MDN1: variants seen among roughly 807,000 people sequenced by gnomAD.
The protein encoded by MDN1 is midasin.
Under a neutral mutation model 669.2 loss-of-function variants are expected in MDN1, and 266 were observed. That is an observed-to-expected ratio of 0.40 (90% CI 0.36 to 0.44). The LOEUF (loss-of-function observed/expected upper bound fraction) is 0.44, where lower values mean the gene tolerates loss of function less well. Ranked by LOEUF, MDN1 falls within the 20% of genes least tolerant of loss-of-function variation. MDN1 has a pLI of 1.00. For synonymous variants in MDN1, 2,385 were observed against 2,457.1 expected (o/e 0.97, Z 0.87); for missense variants, 5,940 against 6,754.0 (o/e 0.88, Z 4.22).
At position 89,738,387 on chromosome 6, in the gene MDN1, T is replaced by A; in HGVS notation, c.4662A>T (p.Leu1554Phe). Reference sequence around the variant, plus strand: ...GAAGATTATGACTGATGATCTGAATTAAATCTTCACGGCTTGTGCTTTGAG... The same window carrying A: ...GAAGATTATGACTGATGATCTGAATAAAATCTTCACGGCTTGTGCTTTGAG... ...WCPQSTSRED[L>F]IQIISHNLRP... The change falls in exon 33 of 102, where the codon TTA becomes TTT. Residue 1554 changes from leucine (L) to phenylalanine (F), a missense_variant. Coordinates refer to ENST00000369393, the MANE Select transcript of MDN1 (RefSeq NM_014611.3). 6.2e-7 allele frequency: 1 copy of A among 1,613,938 alleles called. No homozygotes were observed.
chr6:89,738,545 G>A lies in MDN1; in HGVS notation c.4594-90C>T, dbSNP rs189940376. 6.2e-5 allele frequency: 87 copies of A among 1,402,270 alleles called. No individual in the cohort carries two copies. In the African/African-American group the frequency reaches 1.1e-3, roughly 17 times the overall value. 86.9% of individuals were successfully genotyped at this position (1,402,270 alleles called of 1,614,324 possible). Reference sequence around the variant, plus strand: ...TTGAAAGAATGTTGTTAGCTGTTAAGTCCAGCAAATACTACACACTTTTAA... The same window carrying A: ...TTGAAAGAATGTTGTTAGCTGTTAAATCCAGCAAATACTACACACTTTTAA... On this transcript the variant is annotated intron_variant, in intron 32 of 101. Transcript: ENST00000369393.
Position 89,688,605 on chromosome 6 carries a change from G to A in MDN1, c.11227C>T (p.Gln3743Ter). 1 of 1,614,166 alleles carries A rather than the reference G, an allele frequency of 6.2e-7. No individual in the cohort carries two copies. The highest frequency in any genetic ancestry group is 8.5e-7 in the Non-Finnish European group (1 of 1,180,006). The part of the protein sequence containing the change: ...GFSEAVSHLL[Q>*]DWPEHPALEQ... ...AGCGCTGGGTGTTCTGGCCAGTCCTGTAGCAAGTGACTGACAGCCTCTGAG... is the reference window on the plus strand; with the variant it reads ...AGCGCTGGGTGTTCTGGCCAGTCCTATAGCAAGTGACTGACAGCCTCTGAG... The change falls in exon 66 of 102, where the codon CAG becomes TAG. Residue 3743 changes from glutamine (Q) to a stop codon, truncating the protein, a stop_gained. Coordinates refer to ENST00000369393, the MANE Select transcript of MDN1 (RefSeq NM_014611.3). LOFTEE classifies it high-confidence loss of function.
chr6:89,711,116 T>C (rs747504268), intron 49 of MDN1, among the ~76,000 whole-genome samples: 21 of 152,320 alleles, frequency 1.4e-4, no homozygotes, highest in South Asian at 4.1e-4. Context: ...CATGGGCTTA[T>C]TGACAAATTC....
intron 37 of MDN1, among the ~76,000 whole-genome samples, chr6:89,727,281 A>G (rs945200092): frequency 7.2e-5 from 11 of 152,152 alleles, no homozygotes; most frequent in African/African-American, 2.2e-4. Context: ...TTTCAGCTCC[A>G]CAAATATTTC....
chr6:89,655,444 A>G (rs1373282846), intron 92 of MDN1, among the ~76,000 whole-genome samples: 1 of 152,192 alleles, frequency 6.6e-6, no homozygotes. Context: ...TAACTATTAT[A>G]TTTAAGGATA....
intron 55 of MDN1, 119 bp from the exon 56 acceptor site, chr6:89,700,975 G>C: frequency 1.1e-6 from 1 of 897,380 alleles, no homozygotes; most frequent in African/African-American, 1.7e-5. Context: ...GAAAACAAAG[G>C]ACTTGTTTAT....
At position 89,713,298 on chromosome 6, in the gene MDN1, T is replaced by A; in HGVS notation, c.7070-2A>T. 6.2e-7 allele frequency: 1 copy of A among 1,601,238 alleles called. No individual in the cohort carries two copies. The stretch of plus-strand genomic sequence containing the variant: ...TTGATACAGAAGATGTTGGAGAACC[T>A]ATTAAAAAAAAATTGCCATCTATAA... On this transcript the variant is annotated splice_acceptor_variant, in intron 46 of 101. Transcript: ENST00000369393. LOFTEE classifies it high-confidence loss of function.
Position 89,754,083 on chromosome 6 carries a change from C to G in MDN1, c.2964G>C (p.Glu988Asp), listed in dbSNP as rs755580648. Residue 988 changes from glutamate (E) to aspartate (D), a missense_variant and splice_region_variant, in exon 21 of 102, where the codon GAG (glutamate) becomes GAC (aspartate). Physicochemically the swap from Glu to Asp is conservative, Grantham distance 45. Coordinates refer to ENST00000369393, the MANE Select transcript of MDN1 (RefSeq NM_014611.3). ...CCAGTCAAAGAGACTTCAGAAAGAC[C>G]TCATAGAGTGAGCGCTGAATGTTGC... ...PCGNIQRSLY[E>D]GFCLGFLTQL... 5.6e-6 allele frequency: 9 copies of G among 1,613,530 alleles called. No homozygotes were observed. Among genetic ancestry groups the G allele is most frequent in the Non-Finnish European group, 7.6e-6 (9 of 1,179,778 alleles).
rs753166804 is a variant in MDN1, at chr6:89,776,620, A to G, written c.1801T>C (p.Leu601=). Residue 601 remains leucine (L), a synonymous_variant, in exon 12 of 102, where the codon TTG becomes CTG. Coordinates refer to ENST00000369393, the MANE Select transcript of MDN1 (RefSeq NM_014611.3). ...LKMAEVIGSK[L]NISRKKAEFF... ...CATACCTTTTTTCTAGAAATGTTCA[A>G]TTTGCTTCCAATAACTTCTGCCATT... 29 of 1,611,642 alleles carry G rather than the reference A, an allele frequency of 1.8e-5. No homozygotes were observed. Among genetic ancestry groups the G allele is most frequent in the Non-Finnish European group, 2.5e-5 (29 of 1,177,938 alleles).
intron 32 of MDN1, among the ~76,000 whole-genome samples, chr6:89,739,760 C>T (rs753187621): frequency 5.3e-5 from 8 of 152,292 alleles, no homozygotes; most frequent in South Asian, 2.1e-4. Flanking sequence ...ATAACCCTTA[C>T]GAGAACAAAT....
intron 22 of MDN1, among the ~76,000 whole-genome samples, chr6:89,752,427 C>G (rs200572970): frequency 1.3e-5 from 2 of 152,146 alleles, no homozygotes; most frequent in African/African-American, 4.8e-5. Flanking sequence ...GTTACTTGTA[C>G]GATTTTTTAA....
rs1376880135 is a variant in MDN1, at chr6:89,650,866, G to A, written c.15916-19C>T. The stretch of plus-strand genomic sequence containing the variant: ...CCTTCTCCTGTGACAACAACAAAAT[G>A]TAAGTTACCCTCAGAATGTCAGAGC... On this transcript the variant is annotated intron_variant, in intron 95 of 101. Coordinates refer to ENST00000369393, the MANE Select transcript of MDN1 (RefSeq NM_014611.3). 5.6e-6 allele frequency: 9 copies of A among 1,600,538 alleles called. No individual in the cohort carries two copies. The highest frequency in any genetic ancestry group is 2.6e-6 in the Non-Finnish European group (3 of 1,167,992).
intron 53 of MDN1, among the ~76,000 whole-genome samples, chr6:89,703,166 A>C (rs1310088387): frequency 6.6e-6 from 1 of 151,912 alleles, no homozygotes; most frequent in African/African-American, 2.4e-5. Flanking sequence ...CGAACTCCTA[A>C]CCTCAGGTGA....
chr6:89,721,258 G>A lies in MDN1; in HGVS notation c.5967+1697C>T, dbSNP rs1467577112. ...GACAGTTCTGTCCCAAAGGAGGGATGAGAATAGCTACTGAATTGTTTCTTC... is the reference window on the plus strand; with the variant it reads ...GACAGTTCTGTCCCAAAGGAGGGATAAGAATAGCTACTGAATTGTTTCTTC... On this transcript the variant is annotated intron_variant, in intron 40 of 101. Transcript: ENST00000369393. Among the ~76,000 whole-genome samples, 7 of 152,334 alleles carry A rather than the reference G, an allele frequency of 4.6e-5. No individual in the cohort carries two copies. The South Asian group carries it at 1.2e-3, about 27-fold the overall frequency.
chr6:89,715,728 C>T lies in MDN1; in HGVS notation c.6785G>A (p.Gly2262Glu), dbSNP rs755548910. 3 of 1,613,912 alleles carry T rather than the reference C, an allele frequency of 1.9e-6. No homozygotes were observed. The highest frequency in any genetic ancestry group is 1.1e-5 in the South Asian group (1 of 91,078). The change falls in exon 45 of 102, where the codon GGA becomes GAA. Residue 2262 changes from glycine (G) to glutamate (E), a missense_variant. Physicochemically the swap from Gly to Glu is moderately conservative, Grantham distance 98 (BLOSUM62 -2). This residue lies in a region of MDN1 where 2,292 missense variants were observed against 2,638.3 expected (regional missense o/e 0.87). Transcript: ENST00000369393. The stretch of plus-strand genomic sequence containing the variant: ...TCTCTCACTAATAGTGAGGACACCT[C>T]CGGGTTCAAGCAAAGCATTCAAACG... The part of the protein sequence containing the change: ...LDRLNALLEP[G>E]GVLTISERGM...
intron 61 of MDN1, 97 bp from the exon 62 acceptor site, chr6:89,694,280 G>T: frequency 9.8e-7 from 1 of 1,023,738 alleles, no homozygotes; most frequent in Non-Finnish European, 1.5e-6. Flanking sequence ...AAGATGGAAG[G>T]AATCTGGGTT....
rs147141733 is a variant in MDN1, at chr6:89,761,757, G to A, written c.2357-9C>T. 6 of 1,558,612 alleles carry A rather than the reference G, an allele frequency of 3.8e-6. No homozygotes were observed. The highest frequency in any genetic ancestry group is 5.3e-6 in the Non-Finnish European group (6 of 1,135,774). On this transcript the variant is annotated splice_polypyrimidine_tract_variant and intron_variant, in intron 16 of 101. Transcript: ENST00000369393. ...CTCTTTTATGAGTAACCCTAAAAAAGAAAGACAAGAATTCAGCACACATTT... is the reference window on the plus strand; with the variant it reads ...CTCTTTTATGAGTAACCCTAAAAAAAAAAGACAAGAATTCAGCACACATTT...
Position 89,648,329 on chromosome 6 carries a change from G to C in MDN1, c.16207C>G (p.Leu5403Val). The C allele has an allele frequency of 6.2e-7, 1 of 1,613,686 alleles. No individual in the cohort carries two copies. Among genetic ancestry groups the C allele is most frequent in the South Asian group, 1.1e-5 (1 of 91,078 alleles). ...SSMVDNHTKQ[L>V]AFESLAVIGN... is the part of the protein sequence containing the mutation. ...ATCACAGCCAAAGATTCAAATGCAAGCTGTGAATTAGAAAGTTAATGATTT... is the reference window on the plus strand; with the variant it reads ...ATCACAGCCAAAGATTCAAATGCAACCTGTGAATTAGAAAGTTAATGATTT... Residue 5403 changes from leucine (L) to valine (V), a missense_variant and splice_region_variant, in exon 98 of 102, where the codon CTT becomes GTT. This residue lies in a region of MDN1 where 2,280 missense variants were observed against 2,576.3 expected (regional missense o/e 0.88). Transcript: ENST00000369393.
chr6:89,750,402 T>C lies in MDN1; in HGVS notation c.3358A>G (p.Ile1120Val), dbSNP rs768681660. The change falls in exon 24 of 102, where the codon ATT becomes GTT. Residue 1120 changes from isoleucine to valine, a missense_variant. Physicochemically the swap from Ile to Val is conservative, Grantham distance 29 (BLOSUM62 3). Transcript: ENST00000369393. ...GAGGAGTCAGACGTGTAACAACCAATGTACTCCTGAATATCCGTGTGTTCG... is the reference window on the plus strand; with the variant it reads ...GAGGAGTCAGACGTGTAACAACCAACGTACTCCTGAATATCCGTGTGTTCG... Reference protein sequence around the residue: ...NHEHTDIQEYIGCYTSDSSGK... With the variant: ...NHEHTDIQEYVGCYTSDSSGK... 6.2e-7 allele frequency: 1 copy of C among 1,613,964 alleles called. No homozygotes were observed. The highest frequency in any genetic ancestry group is 1.1e-5 in the South Asian group (1 of 91,078).
Sources: gnomAD v4.1 joint callset for allele counts (sites outside exome capture counted in the v4.1 genomes callset) on GRCh38, gnomAD v4.1.1 for gene constraint, gnomAD v4.1.1 regional missense constraint, MANE v1.5 for transcripts, NCBI Gene and HGNC (gene_info 2026-07-23, HGNC 2026-07-21) for gene names.